The following NOM1 variants were observed in gnomAD, a reference collection of about 807,000 sequenced individuals.
NOM1 encodes nucleolar protein with MIF4G domain 1, also known as nucleolar MIF4G domain-containing protein 1.
NOM1 carries 58 observed loss-of-function variants against 73.3 expected under a neutral mutation model. The ratio of observed to expected loss-of-function variants is 0.79; its 90% CI spans 0.64 to 0.99. The LOEUF (loss-of-function observed/expected upper bound fraction) is 0.99, where lower values mean the gene tolerates loss of function less well. NOM1 is among the 50% of genes least tolerant of loss of function. The probability of loss-of-function intolerance (pLI) is 0.00; values close to 1 mark genes in which losing one functional copy is unlikely to be tolerated. For synonymous variants in NOM1, 487 were observed against 446.8 expected (o/e 1.09, Z -1.14); for missense variants, 1,226 against 1,131.9 (o/e 1.08, Z -1.19).
At chr7:156,962,537 T>C (rs1804892395) in intron 5 of NOM1, among the ~76,000 whole-genome samples, 2 of 152,218 alleles carry the variant, frequency 1.3e-5, no homozygotes, top group Non-Finnish European at 1.5e-5. Flanking sequence ...CACCATTGGA[T>C]CATCCGATGC....
chr7:156,959,175 T>G (rs1804801230), intron 3 of NOM1, among the ~76,000 whole-genome samples: 1 of 151,898 alleles, frequency 6.6e-6, no homozygotes, highest in Non-Finnish European at 1.5e-5. Context: ...CAATCTCAGC[T>G]CACTGCAACC....
chr7:156,963,580 C>T (rs1045658824), intron 6 of NOM1: 3 of 369,132 alleles, frequency 8.1e-6, no homozygotes, highest in Non-Finnish European at 1.5e-5. Context: ...TCATGTCCTT[C>T]CCTGTCCCAG....
At chr7:156,953,009 T>A (rs1051160585) in intron 2 of NOM1, among the ~76,000 whole-genome samples, 39 of 152,258 alleles carry the variant, frequency 2.6e-4, no homozygotes, top group African/African-American at 9.2e-4. Flanking sequence ...AACAGAACAT[T>A]TAAAAAACTG....
intron 10 of NOM1, 24 bp downstream of exon 10, chr7:156,969,220 G>A (rs1310366718): frequency 4.4e-6 from 5 of 1,129,198 alleles, no homozygotes; most frequent in Admixed American, 1.7e-5. Flanking sequence ...CCTTTCCGAC[G>A]AGACATGGAA....
rs375117452 is a variant in NOM1 at position 156,969,526 on chromosome 7, C to A, written c.2409-3C>A. ...GACATGTGTTTATACGATTCCTTTC[C>A]AGAGTATCTGACAACCCAAAGCTGG... is the stretch of plus-strand genomic sequence containing the variant. On this transcript the variant is annotated splice_region_variant and splice_polypyrimidine_tract_variant and intron_variant, in intron 10 of 10. Transcript: ENST00000275820. 6.2e-7 allele frequency: 1 copy of A among 1,612,040 alleles called. No individual in the cohort carries two copies. The highest frequency in any genetic ancestry group is 1.3e-5 in the African/African-American group (1 of 74,834).
At position 156,960,880 on chromosome 7, in the gene NOM1, C is replaced by T. The variant is rs560572386; in HGVS notation, c.1632+706C>T. Among the ~76,000 whole-genome samples the T allele has an allele frequency of 5.9e-5, 9 of 152,100 alleles. No individual in the cohort carries two copies. The East Asian group carries it at 1.2e-3, about 20-fold the overall frequency. On this transcript the variant is annotated intron_variant, in intron 4 of 10. Transcript: ENST00000275820. ...AGTAGGTGGTGGCAAATGTTGGGAT[C>T]GTGGCAGTGGGTGTGGACATGGGCG...
intron 3 of NOM1, among the ~76,000 whole-genome samples, chr7:156,955,239 A>C (rs1038322318): frequency 6.6e-6 from 1 of 152,200 alleles, no homozygotes. Flanking sequence ...TTCCACAGTC[A>C]CTGCCCTCTT....
chr7:156,957,804 A>G (rs1188246454), intron 3 of NOM1, among the ~76,000 whole-genome samples: 1 of 151,458 alleles, frequency 6.6e-6, no homozygotes, highest in Non-Finnish European at 1.5e-5. Flanking sequence ...AAAAAAAGAA[A>G]AAGAAAATAT....
At chr7:156,958,721 G>A (rs753884334) in intron 3 of NOM1, 3 of 152,310 alleles carry the variant, frequency 2.0e-5, no homozygotes, top group African/African-American at 4.8e-5. Flanking sequence ...AACAGCACAA[G>A]GAGAACACTT....
chr7:156,966,675 ACAG>A (rs1805006934), intron 8 of NOM1, among the ~76,000 whole-genome samples: 1 of 152,176 alleles, frequency 6.6e-6, no homozygotes, highest in African/African-American at 2.4e-5. Flanking sequence ...TCGTCGGTTC[ACAG>A]TGCACCAGTC....
intron 6 of NOM1, chr7:156,963,548 C>T (rs1194246835): frequency 7.8e-6 from 3 of 382,342 alleles, no homozygotes; most frequent in African/African-American, 6.1e-5. Flanking sequence ...CATTTTTCAT[C>T]CAGACTTCCC....
chr7:156,967,949 G>A (rs552918417), intron 9 of NOM1, among the ~76,000 whole-genome samples: 2 of 152,074 alleles, frequency 1.3e-5, no homozygotes, highest in Non-Finnish European at 2.9e-5. Flanking sequence ...AAAGGGAAGT[G>A]AAAAGCAGAG....
rs530595418 is a variant in NOM1, at chr7:156,962,084, C to T, written c.1633-67C>T. 22 of 1,351,672 alleles carry T rather than the reference C, an allele frequency of 1.6e-5. No individual in the cohort carries two copies. The Admixed American group carries it at 2.2e-4, about 14-fold the overall frequency. 83.7% of individuals were successfully genotyped at this position (1,351,672 alleles called of 1,614,324 possible). A position where few individuals can be genotyped will look rare whatever the true frequency, so the allele number is the denominator to read the frequency against. ...TGCATCAGGTGTGGTAGATTTCTTG[C>T]CAACTTGAATGGGCCGTTTAGACTG... On this transcript the variant is annotated intron_variant, in intron 4 of 10. Coordinates refer to ENST00000275820, the MANE Select transcript of NOM1 (RefSeq NM_138400.2).
chr7:156,954,563 C>T (rs1188181481), intron 3 of NOM1, among the ~76,000 whole-genome samples: 6 of 116,048 alleles, frequency 5.2e-5, no homozygotes, highest in East Asian at 2.9e-4. Flanking sequence ...CTCGCTCTGT[C>T]GTCTAGGCTG....
In NOM1 at chr7:156,960,137, C is replaced by T; in HGVS notation, c.1595C>T (p.Ala532Val). The T allele has an allele frequency of 6.2e-7, 1 of 1,613,696 alleles. No individual in the cohort carries two copies. Among genetic ancestry groups the T allele is most frequent in the Non-Finnish European group, 8.5e-7 (1 of 1,179,942 alleles). Residue 532 changes from alanine to valine, a missense_variant, in exon 4 of 11, where the codon GCC (alanine) becomes GTC (valine). Coordinates refer to ENST00000275820, the MANE Select transcript of NOM1 (RefSeq NM_138400.2). ...TTGATCACTGAAGCCCAGACCAAAG[C>T]CAGCGGGGCAGGCAGCGAGTTTCAG... is the stretch of plus-strand genomic sequence containing the variant. ...KELITEAQTKASGAGSEFQDQ... is the reference protein window; with the variant it reads ...KELITEAQTKVSGAGSEFQDQ...
chr7:156,973,033 C>T lies in NOM1; in HGVS notation c.*3330C>T, dbSNP rs2134808042. On this transcript the variant is annotated 3_prime_UTR_variant, in exon 11 of 11. Transcript: ENST00000275820. ...CTTAGTGCTCAGTGTTATGTATGAA[C>T]TTGTGGACTTTACAATGCAGGTTGA... The T allele has an allele frequency of 6.6e-6, 1 of 152,248 alleles. No homozygotes were observed. The highest frequency in any genetic ancestry group is 1.9e-4 in the East Asian group (1 of 5,188). 9.4% of individuals were successfully genotyped at this position (152,248 alleles called of 1,614,324 possible).
In NOM1 at chr7:156,949,782, C is replaced by A; in HGVS notation, c.45C>A (p.Ser15=). 7.1e-7 allele frequency: 1 copy of A among 1,410,188 alleles called. No homozygotes were observed. The highest frequency in any genetic ancestry group is 9.2e-7 in the Non-Finnish European group (1 of 1,087,332). 87.4% of individuals were successfully genotyped at this position (1,410,188 alleles called of 1,614,324 possible). Residue 15 remains serine (S), a synonymous_variant, in exon 1 of 11, where the codon TCC becomes TCA. Coordinates refer to ENST00000275820, the MANE Select transcript of NOM1 (RefSeq NM_138400.2). ...RSAGEAGPGG[S]QGRVVRMKRR... ...CGGGAGAGGCCGGCCCGGGCGGCTC[C>A]CAGGGACGCGTGGTCCGCATGAAGC...
chr7:156,959,349 A>G (rs10249994), intron 3 of NOM1, among the ~76,000 whole-genome samples: 115,053 of 148,106 alleles, frequency 0.78, 45,015 homozygotes, highest in Admixed American at 0.85. Flanking sequence ...TGATCCACCC[A>G]CCTCAGCCTC....
In NOM1 at chr7:156,962,997, CTCT is replaced by C. The variant is rs1804902094; in HGVS notation, c.1744-8_1744-6del. The C allele has an allele frequency of 6.2e-7, 1 of 1,608,490 alleles. No homozygotes were observed. On this transcript the variant is annotated splice_polypyrimidine_tract_variant and splice_region_variant and intron_variant, in intron 5 of 10. Transcript: ENST00000275820. ...TTAAAAGCATTTCATTAGCTCTTCTCTCTTCATCAGGTCCGCAACGCCGGCTCA... is the reference window on the plus strand; with the variant it reads ...TTAAAAGCATTTCATTAGCTCTTCTCTCATCAGGTCCGCAACGCCGGCTCA...
Sources: allele counts gnomAD v4.1 joint callset (sites outside exome capture counted in the v4.1 genomes callset), GRCh38; gene constraint gnomAD v4.1.1; transcripts MANE v1.5; gene names NCBI Gene and HGNC (gene_info 2026-07-23, HGNC 2026-07-21).